Variants in NEURL1 observed in about 807,000 individuals in gnomAD.
NEURL1 encodes the protein E3 ubiquitin-protein ligase NEURL1.
In NEURL1, 26 loss-of-function variants were observed where a neutral mutation model predicts 41.2. The observed-to-expected ratio is 0.63, with a 90% CI of 0.46 to 0.87. NEURL1 has a LOEUF of 0.87. Among genes scored for constraint, NEURL1 ranks in the 40% least tolerant of loss-of-function variants. The pLI is 0.00. For synonymous variants in NEURL1, 400 were observed against 402.3 expected (o/e 0.99, Z 0.07); for missense variants, 761 against 871.1 (o/e 0.87, Z 1.59).
intron 1 of NEURL1, among the ~76,000 whole-genome samples, chr10:103,543,904 G>T (rs1245958776): frequency 1.3e-5 from 2 of 152,080 alleles, no homozygotes; most frequent in African/African-American, 4.8e-5. Flanking sequence ...TGTGCATGGA[G>T]CATAGGTACA....
chr10:103,566,201 C>T lies in NEURL1; in HGVS notation c.86-4671C>T, dbSNP rs979627957. Among the ~76,000 whole-genome samples, 4 of 152,012 alleles carry T rather than the reference C, an allele frequency of 2.6e-5. No homozygotes were observed. The highest frequency in any genetic ancestry group is 9.7e-5 in the African/African-American group (4 of 41,390). On this transcript the variant is annotated intron_variant, in intron 1 of 5. Coordinates refer to ENST00000369780, the MANE Select transcript of NEURL1 (RefSeq NM_004210.5). This position sits in a 1 kb window ranked among gnomAD's most constrained non-coding sequence, Gnocchi z 4.2. ...AATTCCTGGGCTCAAGCCATCCTTG[C>T]GCTTCAGCCTCCCAAGTAGCTGGGA...
At position 103,545,416 on chromosome 10, in the gene NEURL1, T is replaced by G. The variant is rs2034905559; in HGVS notation, c.86-25456T>G. Among the ~76,000 whole-genome samples the G allele has an allele frequency of 6.6e-6, 1 of 152,146 alleles. No individual in the cohort carries two copies. The highest frequency in any genetic ancestry group is 1.5e-5 in the Non-Finnish European group (1 of 68,004). On this transcript the variant is annotated intron_variant, in intron 1 of 5. Transcript: ENST00000369780. The surrounding 1 kb of genome is among the most constrained non-coding windows in gnomAD (Gnocchi z 4.5). ...TGGGGTTGGGGTCAGGGACTCAGTC[T>G]AGGGCTAGGACTGGAGGTGTAGTAG...
At chr10:103,497,831 G>A (rs2033722829) in intron 1 of NEURL1, among the ~76,000 whole-genome samples, 1 of 152,160 alleles carries the variant, frequency 6.6e-6, no homozygotes, top group South Asian at 2.1e-4. Flanking sequence ...ATGGATGAGG[G>A]AGTGAATGGA....
intron 1 of NEURL1, among the ~76,000 whole-genome samples, chr10:103,529,587 T>TA (rs1280358658): frequency 6.6e-6 from 1 of 152,236 alleles, no homozygotes; most frequent in Non-Finnish European, 1.5e-5. Context: ...TGTGTTCTGT[T>TA]ACAAAAGAAA....
At chr10:103,568,351 A>G (rs150637669) in intron 1 of NEURL1, among the ~76,000 whole-genome samples, 37 of 152,256 alleles carry the variant, frequency 2.4e-4, no homozygotes, top group African/African-American at 8.4e-4. Flanking sequence ...GTATTTGCCC[A>G]GAGTCAGTGT....
chr10:103,583,495 C>T (rs1299914574), intron 3 of NEURL1, among the ~76,000 whole-genome samples: 1 of 151,842 alleles, frequency 6.6e-6, no homozygotes, highest in African/African-American at 2.4e-5. Flanking sequence ...GCAGGAGGAT[C>T]GCTTGAGCCT....
chr10:103,498,054 C>G (rs914845088), intron 1 of NEURL1, among the ~76,000 whole-genome samples: 1 of 152,110 alleles, frequency 6.6e-6, no homozygotes, highest in Non-Finnish European at 1.5e-5. Context: ...CTATATATTA[C>G]ATGAAATAGA....
At chr10:103,513,518 A>G (rs2034124401) in intron 1 of NEURL1, among the ~76,000 whole-genome samples, 1 of 152,208 alleles carries the variant, frequency 6.6e-6, no homozygotes, top group Admixed American at 6.5e-5. Flanking sequence ...AGCCCCTGCC[A>G]GGTTCACAGA....
intron 1 of NEURL1, among the ~76,000 whole-genome samples, chr10:103,507,014 T>C (rs2033963740): frequency 6.6e-6 from 1 of 152,236 alleles, no homozygotes; most frequent in African/African-American, 2.4e-5. Flanking sequence ...TGGTGGCCAC[T>C]GATTCAAACA....
intron 1 of NEURL1, among the ~76,000 whole-genome samples, chr10:103,533,481 T>C (rs2034617786): frequency 6.6e-6 from 1 of 152,030 alleles, no homozygotes; most frequent in Admixed American, 6.5e-5. Context: ...GTGATTCTCC[T>C]GCCTCAGCCT....
intron 1 of NEURL1, among the ~76,000 whole-genome samples, chr10:103,563,667 G>GTAATAA (rs747010741): frequency 2.0e-5 from 3 of 151,962 alleles, no homozygotes; most frequent in Non-Finnish European, 1.5e-5. Context: ...GATATAAATA[G>GTAATAA]TAATAATAAT....
At chr10:103,503,959 T>TTTTA (rs56135179) in intron 1 of NEURL1, among the ~76,000 whole-genome samples, 19,286 of 135,950 alleles carry the variant, frequency 0.14, 1,513 homozygotes, top group African/African-American at 0.18. Flanking sequence ...CTGGCTAGTA[T>TTTTA]TTTATTTATT....
intron 3 of NEURL1, among the ~76,000 whole-genome samples, chr10:103,583,586 G>A (rs1341508550): frequency 6.6e-6 from 1 of 150,842 alleles, no homozygotes; most frequent in Non-Finnish European, 1.5e-5. Context: ...GCGCGGTGGT[G>A]CATCCCAGCT....
In NEURL1 at chr10:103,590,616, C is replaced by T. The variant is rs754161486; in HGVS notation, c.*244C>T. The T allele has an allele frequency of 1.4e-5, 8 of 554,018 alleles. No homozygotes were observed. The highest frequency in any genetic ancestry group is 3.1e-5 in the Admixed American group (1 of 32,192). 34.3% of individuals were successfully genotyped at this position (554,018 alleles called of 1,614,324 possible). Reference sequence around the variant, plus strand: ...GAGGCCGCACTCTCCCTGTCTCTCCCGTCTCTGCACCCAGCTCCTCTCTGC... The same window carrying T: ...GAGGCCGCACTCTCCCTGTCTCTCCTGTCTCTGCACCCAGCTCCTCTCTGC... On this transcript the variant is annotated 3_prime_UTR_variant, in exon 6 of 6. Coordinates refer to ENST00000369780, the MANE Select transcript of NEURL1 (RefSeq NM_004210.5).
chr10:103,521,761 G>A (rs1442969683), intron 1 of NEURL1, among the ~76,000 whole-genome samples: 2 of 152,118 alleles, frequency 1.3e-5, no homozygotes, highest in Non-Finnish European at 1.5e-5. Context: ...GGGAGTGATC[G>A]ATGAGAAGGA....
At chr10:103,523,105 A>C (rs1564809443) in intron 1 of NEURL1, among the ~76,000 whole-genome samples, 1 of 152,132 alleles carries the variant, frequency 6.6e-6, no homozygotes, top group Admixed American at 6.6e-5. Flanking sequence ...GTATCAACTC[A>C]AACACTTATC....
intron 4 of NEURL1, among the ~76,000 whole-genome samples, chr10:103,585,707 G>A (rs2035907752): frequency 6.6e-6 from 1 of 151,952 alleles, no homozygotes; most frequent in Non-Finnish European, 1.5e-5. Flanking sequence ...GGTGGTGGGC[G>A]CCTGTAGTCC....
At chr10:103,565,070 G>A (rs1456524334) in intron 1 of NEURL1, among the ~76,000 whole-genome samples, 1 of 152,198 alleles carries the variant, frequency 6.6e-6, no homozygotes, top group African/African-American at 2.4e-5. Context: ...GGCTGTAGCC[G>A]CAGGGTGGAC....
Position 103,592,324 on chromosome 10 carries a change from G to C in NEURL1, c.*1952G>C, listed in dbSNP as rs1049521739. The C allele has an allele frequency of 1.3e-5, 2 of 152,644 alleles. No homozygotes were observed. The highest frequency in any genetic ancestry group is 2.9e-5 in the Non-Finnish European group (2 of 68,104). The allele number at this position is 152,644 out of a possible 1,614,324, so 9.5% of individuals were successfully genotyped here. On this transcript the variant is annotated 3_prime_UTR_variant, in exon 6 of 6. Transcript: ENST00000369780. The surrounding 1 kb of genome is among the most constrained non-coding windows in gnomAD (Gnocchi z 4.8). ...GCAGTGGGTGTGTGGGGAAGTCACTGTCCCACTATGGGTCTCCACTACCCA... is the reference window on the plus strand; with the variant it reads ...GCAGTGGGTGTGTGGGGAAGTCACTCTCCCACTATGGGTCTCCACTACCCA...
Sources: gnomAD v4.1 joint callset for allele counts (sites outside exome capture counted in the v4.1 genomes callset) on GRCh38, gnomAD v4.1.1 for gene constraint, Gnocchi (gnomAD v3.1) non-coding constraint, MANE v1.5 for transcripts, NCBI Gene and HGNC (gene_info 2026-07-23, HGNC 2026-07-21) for gene names.